Variants in ZNF236 observed in about 807,000 individuals in gnomAD.
ZNF236 encodes the protein regulated by glucose.
In ZNF236, 50 loss-of-function variants were observed where a neutral mutation model predicts 191.2. The ratio of observed to expected loss-of-function variants is 0.26; its 90% CI spans 0.21 to 0.33. The LOEUF is 0.33. Ranked by LOEUF, ZNF236 falls within the 10% of genes least tolerant of loss-of-function variation. ZNF236 has a pLI of 1.00. For missense variants in ZNF236, 1,754 were observed against 2,374.5 expected (o/e 0.74, Z 5.43); for synonymous variants, 907 against 928.8 (o/e 0.98, Z 0.43).
intron 27 of ZNF236, among the ~76,000 whole-genome samples, chr18:76,954,741 A>G (rs1281775026): frequency 6.6e-6 from 1 of 152,238 alleles, no homozygotes; most frequent in Non-Finnish European, 1.5e-5. Context: ...CAGGTATCAT[A>G]TTATAGAATA....
intron 27 of ZNF236, among the ~76,000 whole-genome samples, chr18:76,951,476 A>G (rs1006168194): frequency 2.0e-5 from 3 of 152,178 alleles, no homozygotes; most frequent in Admixed American, 6.5e-5. Flanking sequence ...GACCTCTGCT[A>G]GTTTCCAGCT....
intron 3 of ZNF236, among the ~76,000 whole-genome samples, chr18:76,860,186 C>T (rs769230381): frequency 5.3e-5 from 8 of 151,962 alleles, no homozygotes; most frequent in Non-Finnish European, 7.4e-5. Context: ...GAGGGGTGTG[C>T]GTGAACCCTC....
chr18:76,947,007 A>C (rs1196420792), intron 26 of ZNF236, among the ~76,000 whole-genome samples: 1 of 152,128 alleles, frequency 6.6e-6, no homozygotes, highest in East Asian at 1.9e-4. Context: ...AGAAACGTGG[A>C]GCCATGAGCC....
chr18:76,841,566 T>C (rs999978063), intron 1 of ZNF236, among the ~76,000 whole-genome samples: 8 of 152,254 alleles, frequency 5.3e-5, no homozygotes, highest in Non-Finnish European at 1.2e-4. Flanking sequence ...AATTGGGTAC[T>C]TTGGCTTGGC....
chr18:76,950,838 T>C (rs1293849374), intron 27 of ZNF236, among the ~76,000 whole-genome samples: 5 of 152,274 alleles, frequency 3.3e-5, no homozygotes, highest in African/African-American at 7.2e-5. Context: ...ATGAGATGTA[T>C]TTCTTAGTAA....
chr18:76,883,706 G>A (rs1273349595), intron 9 of ZNF236, among the ~76,000 whole-genome samples: 2 of 152,088 alleles, frequency 1.3e-5, no homozygotes, highest in Non-Finnish European at 2.9e-5. Context: ...GGGATTACAG[G>A]CATGAGCTAC....
rs1267354575 is a variant in ZNF236, at chr18:76,913,827, A to G, written c.2990A>G (p.Tyr997Cys). The change falls in exon 18 of 31, where the codon TAC becomes TGC. Residue 997 changes from tyrosine to cysteine, a missense_variant. By Grantham distance (194) the Tyr-to-Cys change is radical. Around this residue, in one of 5 missense-constraint regions of ZNF236, gnomAD observed 641 missense variants for 869.6 expected, o/e 0.74. Coordinates refer to ENST00000320610, the MANE Select transcript of ZNF236 (RefSeq NM_001306089.2). The stretch of plus-strand genomic sequence containing the variant: ...CGGTCGCACACCGGGGAAAAGCCCT[A>G]CAAGTGCAAGCTCTGTGGACGCGGC... The part of the protein sequence containing the change: ...HVRSHTGEKP[Y>C]KCKLCGRGFV... 7 of 1,614,258 alleles carry G rather than the reference A, an allele frequency of 4.3e-6. No homozygotes were observed. The highest frequency in any genetic ancestry group is 5.9e-6 in the Non-Finnish European group (7 of 1,180,048).
chr18:76,950,741 A>T (rs994889929), intron 27 of ZNF236, among the ~76,000 whole-genome samples: 1 of 152,238 alleles, frequency 6.6e-6, no homozygotes, highest in Admixed American at 6.5e-5. Flanking sequence ...TTAATGGCAT[A>T]TAGAGTGGTG....
chr18:76,970,389 A>G lies in ZNF236; in HGVS notation c.*2050A>G, dbSNP rs1568253649. 1 of 152,684 alleles carries G rather than the reference A, an allele frequency of 6.5e-6. No homozygotes were observed. The highest frequency in any genetic ancestry group is 2.4e-5 in the African/African-American group (1 of 41,470). The allele number at this position is 152,684 out of a possible 1,614,324, so 9.5% of individuals were successfully genotyped here. On this transcript the variant is annotated 3_prime_UTR_variant, in exon 31 of 31. Coordinates refer to ENST00000320610, the MANE Select transcript of ZNF236 (RefSeq NM_001306089.2). ...ACTTTTATTTTGGTTAAAGAAAAAG[A>G]AAATATCAATAATTCAATTTTGTGT...
Position 76,937,314 on chromosome 18 carries a change from G to A in ZNF236, c.4753G>A (p.Asp1585Asn). 1 of 1,613,634 alleles carries A rather than the reference G, an allele frequency of 6.2e-7. No homozygotes were observed. Reference protein sequence around the residue: ...DTQGMLSGGLDTVTLNITSQG... With the variant: ...DTQGMLSGGLNTVTLNITSQG... ...TCAGGGTATGCTATCTGGAGGCCTG[G>A]ACACTGTCACACTCAACATCACCTC... is the stretch of plus-strand genomic sequence containing the variant. Residue 1585 changes from aspartate to asparagine, a missense_variant, in exon 26 of 31, where the codon GAC (aspartate) becomes AAC (asparagine). Physicochemically the swap from Asp to Asn is conservative, Grantham distance 23. This residue lies in a region of ZNF236 where 606 missense variants were observed against 761.5 expected (regional missense o/e 0.80). Transcript: ENST00000320610.
chr18:76,895,512 A>G (rs1977378273), intron 10 of ZNF236: 3 of 632,774 alleles, frequency 4.7e-6, no homozygotes, highest in Admixed American at 5.9e-5. Context: ...CAAAGGTCTC[A>G]AACACAGATA....
intron 11 of ZNF236, 61 bp from the exon 12 acceptor site, chr18:76,904,319 A>C: frequency 6.8e-7 from 1 of 1,476,808 alleles, no homozygotes. Flanking sequence ...GTGCCTTGTG[A>C]CATTTAATTG....
At chr18:76,869,661 A>G (rs925781264) in intron 4 of ZNF236, among the ~76,000 whole-genome samples, 8 of 152,188 alleles carry the variant, frequency 5.3e-5, no homozygotes, top group African/African-American at 1.7e-4. Flanking sequence ...ACAAACTCTA[A>G]AAGGCAATAT....
intron 2 of ZNF236, among the ~76,000 whole-genome samples, chr18:76,850,021 C>T (rs971585696): frequency 6.6e-6 from 1 of 152,122 alleles, no homozygotes; most frequent in Non-Finnish European, 1.5e-5. Flanking sequence ...GGAGTTTTAT[C>T]TTTAAGTGAT....
chr18:76,915,123 G>T (rs985881548), intron 18 of ZNF236, among the ~76,000 whole-genome samples: 28 of 152,170 alleles, frequency 1.8e-4, no homozygotes, highest in African/African-American at 6.3e-4. Context: ...AAAATAGCTA[G>T]TTACTTGGTT....
intron 12 of ZNF236, 151 bp downstream of exon 12, chr18:76,904,672 T>G: frequency 1.5e-6 from 1 of 652,840 alleles, no homozygotes; most frequent in East Asian, 3.4e-5. Context: ...AATTAATATT[T>G]TTATTCTTTA....
chr18:76,830,999 C>A (rs1214326833), intron 1 of ZNF236, among the ~76,000 whole-genome samples: 1 of 152,172 alleles, frequency 6.6e-6, no homozygotes, highest in Admixed American at 6.5e-5. Context: ...AGTATGGAGA[C>A]ACCTTCTGTC....
chr18:76,940,454 T>A (rs1968110419), intron 26 of ZNF236, among the ~76,000 whole-genome samples: 1 of 152,234 alleles, frequency 6.6e-6, no homozygotes, highest in South Asian at 2.1e-4. Context: ...GCTCCCAGGG[T>A]CCCTGGTGTG....
At chr18:76,898,843 A>G (rs964270500) in intron 10 of ZNF236, among the ~76,000 whole-genome samples, 176 bp from the exon 11 acceptor site, 7 of 152,226 alleles carry the variant, frequency 4.6e-5, no homozygotes, top group Admixed American at 6.5e-5. Flanking sequence ...AATATCTATA[A>G]TATGCACTGT....
Sources: allele counts gnomAD v4.1 joint callset (sites outside exome capture counted in the v4.1 genomes callset), GRCh38; gene constraint gnomAD v4.1.1; regional missense constraint gnomAD v4.1.1; transcripts MANE v1.5; gene names NCBI Gene and HGNC (gene_info 2026-07-23, HGNC 2026-07-21).